MEI1: variants seen among roughly 807,000 people sequenced by gnomAD.
The protein encoded by MEI1 is meiotic double-stranded break formation protein 1.
A neutral mutation model predicts 146.2 loss-of-function variants in MEI1; 103 were observed. The ratio of observed to expected loss-of-function variants is 0.70; its 90% CI spans 0.60 to 0.83. The LOEUF (loss-of-function observed/expected upper bound fraction) is 0.83. MEI1 is among the 40% of genes least tolerant of loss of function. The probability of loss-of-function intolerance (pLI) is 0.00; values close to 1 mark genes in which losing one functional copy is unlikely to be tolerated. For missense variants in MEI1, 1,529 were observed against 1,533.0 expected (o/e 1.00, Z 0.04); for synonymous variants, 652 against 628.2 (o/e 1.04, Z -0.57).
At chr22:41,798,151 AC>A (rs1466235388) in intron 30 of MEI1, among the ~76,000 whole-genome samples, 31 of 150,168 alleles carry the variant, frequency 2.1e-4, no homozygotes, top group Non-Finnish European at 2.2e-4. Flanking sequence ...ACACACACAC[AC>A]ACACACACAC....
chr22:41,717,696 A>T (rs2070340605), intron 5 of MEI1, among the ~76,000 whole-genome samples: 1 of 149,590 alleles, frequency 6.7e-6, no homozygotes, highest in African/African-American at 2.5e-5. Context: ...GCTCACTGCA[A>T]CCTCTGCCTC....
chr22:41,702,095 A>G (rs966640962), intron 1 of MEI1, among the ~76,000 whole-genome samples: 1 of 152,248 alleles, frequency 6.6e-6, no homozygotes, highest in East Asian at 1.9e-4. Context: ...GGAGCCTTAC[A>G]GTAGCACAGA....
chr22:41,758,433 C>T lies in MEI1; in HGVS notation c.2020C>T (p.Leu674Phe). The T allele has an allele frequency of 1.2e-6, 2 of 1,613,982 alleles. No homozygotes were observed. Among genetic ancestry groups the T allele is most frequent in the African/African-American group, 1.3e-5 (1 of 75,056 alleles). ...GATAAGCAGCAGGAGCCCTGAAAGC[C>T]TTGCCTTCCTGTCTGATCGCCAGTA... ...PQISSRSPES[L>F]AFLSDRQYME... is the part of the protein sequence containing the mutation. The change falls in exon 18 of 31, where the codon CTT (leucine) becomes TTT (phenylalanine). Residue 674 changes from leucine to phenylalanine, a missense_variant. Physicochemically the swap from Leu to Phe is conservative, Grantham distance 22 (BLOSUM62 0). This residue lies in a region of MEI1 where 1,212 missense variants were observed against 1,178.9 expected (regional missense o/e 1.03). Coordinates refer to ENST00000401548, the MANE Select transcript of MEI1 (RefSeq NM_152513.4).
At chr22:41,716,002 A>G (rs2070111302) in intron 4 of MEI1, 39 bp from the exon 5 acceptor site, 1 of 1,442,468 alleles carries the variant, frequency 6.9e-7, no homozygotes, top group Non-Finnish European at 9.6e-7. Context: ...ATCTGTCCTG[A>G]TCCTAATTGA....
At chr22:41,797,556 C>T (rs777234902) in intron 30 of MEI1, among the ~76,000 whole-genome samples, 1 of 152,022 alleles carries the variant, frequency 6.6e-6, no homozygotes, top group Non-Finnish European at 1.5e-5. Flanking sequence ...AGGTTGCAGT[C>T]AGCTAAGATT....
chr22:41,758,935 G>A (rs2147926455), intron 18 of MEI1, among the ~76,000 whole-genome samples: 1 of 152,332 alleles, frequency 6.6e-6, no homozygotes, highest in East Asian at 1.9e-4. Context: ...TTGAGGTCAG[G>A]AGTTCGAGAC....
intron 11 of MEI1, 81 bp downstream of exon 11, chr22:41,732,684 G>C (rs2071967644): frequency 6.9e-7 from 1 of 1,442,402 alleles, no homozygotes; most frequent in East Asian, 2.3e-5. Context: ...GGATATTTAA[G>C]TATCCCTAGA....
intron 17 of MEI1, among the ~76,000 whole-genome samples, chr22:41,757,502 C>T (rs1019082185): frequency 1.3e-5 from 2 of 151,950 alleles, no homozygotes; most frequent in African/African-American, 2.4e-5. Flanking sequence ...GGATTACAGG[C>T]GCCCGCCATC....
chr22:41,700,911 G>C (rs1005486185), intron 1 of MEI1, among the ~76,000 whole-genome samples: 2 of 150,274 alleles, frequency 1.3e-5, no homozygotes, highest in Admixed American at 6.6e-5. Context: ...GCCTGGCTGC[G>C]TTCTCAAATA....
At chr22:41,706,298 G>A (rs1432760874) in intron 3 of MEI1, among the ~76,000 whole-genome samples, 3 of 152,064 alleles carry the variant, frequency 2.0e-5, no homozygotes, top group East Asian at 1.9e-4. Context: ...GATTATAGGC[G>A]TGAGTCACCA....
At chr22:41,743,371 T>A (rs2073034465) in intron 12 of MEI1, among the ~76,000 whole-genome samples, 177 bp downstream of exon 12, 1 of 152,230 alleles carries the variant, frequency 6.6e-6, no homozygotes, top group Non-Finnish European at 1.5e-5. Context: ...GGATTACTAT[T>A]GTCATTTTTA....
At chr22:41,724,937 G>A (rs1185568838) in intron 7 of MEI1, among the ~76,000 whole-genome samples, 1 of 151,712 alleles carries the variant, frequency 6.6e-6, no homozygotes, top group East Asian at 1.9e-4. Context: ...CTGAGTAGCT[G>A]AGACTACAGG....
chr22:41,766,559 T>C (rs891925079), intron 19 of MEI1, among the ~76,000 whole-genome samples: 2 of 152,030 alleles, frequency 1.3e-5, no homozygotes, highest in African/African-American at 4.8e-5. Flanking sequence ...ATTATTATTA[T>C]TTTTCGAGAC....
At chr22:41,783,395 C>T (rs537035300) in intron 24 of MEI1, among the ~76,000 whole-genome samples, 263 of 151,956 alleles carry the variant, frequency 1.7e-3, no homozygotes, top group Middle Eastern at 0.01. Context: ...TGGGTTCAAG[C>T]GATTCTCTTG....
intron 7 of MEI1, among the ~76,000 whole-genome samples, chr22:41,726,267 A>C (rs181871738): frequency 6.6e-6 from 1 of 152,184 alleles, no homozygotes. Flanking sequence ...AGTTTAGTCC[A>C]TTTCAGAGTT....
chr22:41,716,237 G>A, intron 5 of MEI1, 91 bp downstream of exon 5: 1 of 840,254 alleles, frequency 1.2e-6, no homozygotes, highest in Non-Finnish European at 1.9e-6. Context: ...GTACACCTGG[G>A]AAGTCATTAC....
In MEI1 at chr22:41,719,184, G is replaced by A. The variant is rs550838299; in HGVS notation, c.733+910G>A. Among the ~76,000 whole-genome samples, 23 of 151,930 alleles carry A rather than the reference G, an allele frequency of 1.5e-4. No homozygotes were observed. In the South Asian group the frequency reaches 4.8e-3, roughly 32 times the overall value. ...TTTTTAGGAGAGACGGGGTTTCACC[G>A]TGTTAGACAGGATGGTCTCGATCTC... On this transcript the variant is annotated intron_variant, in intron 6 of 30. Transcript: ENST00000401548.
chr22:41,776,381 G>C (rs985342945), intron 21 of MEI1, 114 bp downstream of exon 21: 1 of 1,172,990 alleles, frequency 8.5e-7, no homozygotes, highest in African/African-American at 1.5e-5. Flanking sequence ...ATCTGAAAAA[G>C]AAAGCCAGGC....
At position 41,699,664 on chromosome 22, in the gene MEI1, C is replaced by T. The variant is rs2068539628; in HGVS notation, c.126C>T (p.Arg42=). ...GCTGGCTGCTGCCCGTGACCCCCCG[C>T]CTGTGCCTGGCCTGCGCGCTGGAGC... ...DPRWLLPVTP[R]LCLACALELL... The change falls in exon 1 of 31, where the codon CGC becomes CGT. Residue 42 remains arginine, a synonymous_variant. Coordinates refer to ENST00000401548, the MANE Select transcript of MEI1 (RefSeq NM_152513.4). 6.3e-7 allele frequency: 1 copy of T among 1,591,676 alleles called. No individual in the cohort carries two copies. Among genetic ancestry groups the T allele is most frequent in the Non-Finnish European group, 8.6e-7 (1 of 1,169,368 alleles).
Sources: gnomAD v4.1 joint callset for allele counts (sites outside exome capture counted in the v4.1 genomes callset) on GRCh38, gnomAD v4.1.1 for gene constraint, gnomAD v4.1.1 regional missense constraint, MANE v1.5 for transcripts, NCBI Gene and HGNC (gene_info 2026-07-23, HGNC 2026-07-21) for gene names.